The following GNG2 variants were observed in gnomAD, a reference collection of about 807,000 sequenced individuals.
GNG2 encodes the protein guanine nucleotide-binding protein G(I)/G(S)/G(O) subunit gamma-2.
A neutral mutation model predicts 5.5 loss-of-function variants in GNG2; 5 were observed. The observed-to-expected ratio is 0.91, with a 90% confidence interval of 0.48 to 1.92. GNG2 has a LOEUF of 1.92. Among genes scored for constraint, GNG2 ranks in the 30% most tolerant of loss-of-function variants. The pLI is 0.01. For synonymous variants in GNG2, 28 were observed against 32.0 expected, an observed-to-expected ratio of 0.88 and a Z score of 0.42; for missense variants, 55 against 88.4, an observed-to-expected ratio of 0.62 and a Z score of 1.52.
At chr14:51,945,749 A>G (rs1888606290) in intron 2 of GNG2, among the ~76,000 whole-genome samples, 2 of 150,882 alleles carry the variant, frequency 1.3e-5, no homozygotes, top group South Asian at 4.2e-4. Context: ...GTCTTCTTTT[A>G]GCATAAATGG....
chr14:51,844,018 A>G (rs1306846302), intron 2 of GNG2, among the ~76,000 whole-genome samples: 2 of 152,132 alleles, frequency 1.3e-5, no homozygotes, highest in African/African-American at 2.4e-5. Flanking sequence ...AAGGAAATGT[A>G]TCTCCTTTCT....
chr14:51,945,841 C>CTCTT (rs145296928), intron 2 of GNG2, among the ~76,000 whole-genome samples: 55,247 of 151,698 alleles, frequency 0.36, 10,301 homozygotes, highest in Middle Eastern at 0.43. Flanking sequence ...AGAAGACAAA[C>CTCTT]TCTTATTTGC....
intron 2 of GNG2, among the ~76,000 whole-genome samples, chr14:51,891,004 A>G (rs1046006916): frequency 2.0e-5 from 3 of 152,310 alleles, no homozygotes; most frequent in Non-Finnish European, 4.4e-5. Flanking sequence ...AAGACAATGG[A>G]AAATAACTTT....
intron 2 of GNG2, among the ~76,000 whole-genome samples, chr14:51,924,374 A>G (rs2140231678): frequency 6.6e-6 from 1 of 152,356 alleles, no homozygotes; most frequent in African/African-American, 2.4e-5. Context: ...GTAGTACATC[A>G]TCAGGCTTAT....
At chr14:51,856,555 C>G (rs1245701967), upstream of GNG2, among the ~76,000 whole-genome samples, 4 of 152,176 alleles carry the variant, frequency 2.6e-5, no homozygotes, top group Admixed American at 6.5e-5. Flanking sequence ...GCCTCAGCCT[C>G]CTGAGTAGTT....
chr14:51,934,131 C>T (rs374186604), intron 2 of GNG2, among the ~76,000 whole-genome samples: 1 of 152,110 alleles, frequency 6.6e-6, no homozygotes, highest in African/African-American at 2.4e-5. Flanking sequence ...GGGAGTGGTT[C>T]CATGATAGGC....
intron 1 of GNG2, among the ~76,000 whole-genome samples, chr14:51,876,763 C>A (rs1183911217): frequency 6.6e-6 from 1 of 152,066 alleles, no homozygotes; most frequent in Non-Finnish European, 1.5e-5. Flanking sequence ...TAATGTGAGG[C>A]CTCTGGAGAC....
chr14:51,911,619 C>T lies in GNG2; in HGVS notation c.-30+33962C>T, dbSNP rs562039345. ...GGTACAGTGGTGCTATCATAGTTCA[C>T]TGTAACCTCTAACTCTTGGGCTCAT... is the stretch of plus-strand genomic sequence containing the variant. On this transcript the variant is annotated intron_variant, in intron 2 of 3. Transcript: ENST00000556766. 7.9e-5 allele frequency among the ~76,000 whole-genome samples: 12 copies of T among 151,810 alleles called. 2 individuals are homozygous for T. In the South Asian group the frequency reaches 2.5e-3, roughly 32 times the overall value.
intron 2 of GNG2, among the ~76,000 whole-genome samples, chr14:51,908,736 ATTTTT>A (rs3030340): frequency 4.5e-5 from 4 of 89,882 alleles, no homozygotes; most frequent in East Asian, 5.0e-4. Context: ...CACCCAGCTA[ATTTTT>A]TTTTTTTTTT....
At chr14:51,958,728 G>A (rs781505173) in intron 3 of GNG2, among the ~76,000 whole-genome samples, 7 of 152,168 alleles carry the variant, frequency 4.6e-5, no homozygotes, top group East Asian at 1.9e-4. Context: ...TGGACCCTGC[G>A]TAGATGTTCT....
chr14:51,834,529 A>G (rs896349172), intron 2 of GNG2, among the ~76,000 whole-genome samples: 3 of 152,232 alleles, frequency 2.0e-5, no homozygotes, highest in Non-Finnish European at 4.4e-5. Context: ...TATTCCCTCC[A>G]GAGAATGACA....
intron 2 of GNG2, among the ~76,000 whole-genome samples, chr14:51,931,073 G>C (rs187513154): frequency 1.4e-4 from 21 of 152,222 alleles, no homozygotes; most frequent in Middle Eastern, 3.4e-3. Flanking sequence ...ACTCCAACCT[G>C]GGTGATAGAG....
chr14:51,847,646 C>T (rs192147891), intron 2 of GNG2, among the ~76,000 whole-genome samples: 22 of 152,134 alleles, frequency 1.4e-4, no homozygotes, highest in Admixed American at 1.4e-3. Flanking sequence ...GGTGTAGAAT[C>T]TTCCACCTAC....
At chr14:51,898,004 C>G (rs2140173726) in intron 2 of GNG2, among the ~76,000 whole-genome samples, 1 of 152,304 alleles carries the variant, frequency 6.6e-6, no homozygotes, top group South Asian at 2.1e-4. Context: ...TAACTGTTCT[C>G]TAGAGGGTTC....
intron 1 of GNG2, among the ~76,000 whole-genome samples, chr14:51,870,136 G>A (rs919093929): frequency 1.3e-5 from 2 of 152,004 alleles, no homozygotes; most frequent in Non-Finnish European, 2.9e-5. Context: ...ATACAACATT[G>A]AATTGAACAA....
At chr14:51,926,849 C>T (rs972521060) in intron 2 of GNG2, among the ~76,000 whole-genome samples, 13 of 152,290 alleles carry the variant, frequency 8.5e-5, no homozygotes, top group Admixed American at 7.2e-4. Flanking sequence ...GGTTGTGTGA[C>T]AAGGACCCCG....
intron 3 of GNG2, among the ~76,000 whole-genome samples, chr14:51,955,323 T>C (rs555415096): frequency 6.6e-6 from 1 of 152,328 alleles, no homozygotes; most frequent in Non-Finnish European, 1.5e-5. Context: ...CCTCTCCCAA[T>C]CTTATTCCTC....
chr14:51,910,959 C>T (rs549374888), intron 2 of GNG2, among the ~76,000 whole-genome samples: 1 of 152,338 alleles, frequency 6.6e-6, no homozygotes, highest in South Asian at 2.1e-4. Flanking sequence ...TACTTTCCTC[C>T]CGTTTGTCTT....
chr14:51,883,577 AG>A (rs33974701), intron 2 of GNG2, among the ~76,000 whole-genome samples: 8,104 of 152,258 alleles, frequency 0.053, 465 homozygotes, highest in East Asian at 0.24. Context: ...TTTAAAAAGG[AG>A]GTTTCATGTT....
Sources: gnomAD v4.1 joint callset for allele counts (sites outside exome capture counted in the v4.1 genomes callset) on GRCh38, gnomAD v4.1.1 for gene constraint, MANE v1.5 for transcripts, NCBI Gene and HGNC (gene_info 2026-07-23, HGNC 2026-07-21) for gene names.